DPH6: variants seen among roughly 807,000 people sequenced by gnomAD.
DPH6 encodes the protein diphthine--ammonia ligase.
A neutral mutation model predicts 38.2 loss-of-function variants in DPH6; 33 were observed. The observed-to-expected ratio is 0.86, with a 90% CI of 0.65 to 1.15. The LOEUF is 1.15. Among genes scored for constraint, DPH6 ranks in the 50% most tolerant of loss-of-function variants. DPH6 has a pLI of 0.00. For synonymous variants in DPH6, 108 were observed against 103.0 expected (o/e 1.05, Z -0.30); for missense variants, 325 against 320.0 (o/e 1.02, Z -0.12).
intron 3 of DPH6, among the ~76,000 whole-genome samples, chr15:35,305,170 G>A (rs2140811247): frequency 6.6e-6 from 1 of 152,180 alleles, no homozygotes; most frequent in Non-Finnish European, 1.5e-5. Flanking sequence ...CTCAAGTCAG[G>A]TAGTACGCTG....
chr15:35,158,569 A>C, the DPH6 span, among the ~76,000 whole-genome samples: 1 of 152,074 alleles, frequency 6.6e-6, no homozygotes, highest in Admixed American at 6.6e-5. Flanking sequence ...AAAAACTAGA[A>C]AAACTGGTAA....
In DPH6 at chr15:35,372,092, C is replaced by T. The variant is rs1164342269; in HGVS notation, c.*58G>A. ...ACTAGTCATAGTAACTGAGAAAATACTATGCAATTTTTTTGTATAGAAATG... is the reference window on the plus strand; with the variant it reads ...ACTAGTCATAGTAACTGAGAAAATATTATGCAATTTTTTTGTATAGAAATG... On this transcript the variant is annotated 3_prime_UTR_variant, in exon 9 of 9. Coordinates refer to ENST00000256538, the MANE Select transcript of DPH6 (RefSeq NM_080650.4). The T allele has an allele frequency of 6.8e-7, 1 of 1,478,400 alleles. No individual in the cohort carries two copies. Among genetic ancestry groups the T allele is most frequent in the East Asian group, 2.6e-5 (1 of 38,102 alleles). 91.6% of individuals were successfully genotyped at this position (1,478,400 alleles called of 1,614,324 possible). A position where few individuals can be genotyped will look rare whatever the true frequency, so the allele number is the denominator to read the frequency against.
intron 3 of DPH6, among the ~76,000 whole-genome samples, chr15:35,536,154 AT>A (rs918612085): frequency 2.6e-5 from 4 of 151,716 alleles, no homozygotes; most frequent in African/African-American, 9.7e-5. Context: ...TTCTAGATTC[AT>A]TTTTTTTCAT....
chr15:35,149,038 C>T, the DPH6 span, among the ~76,000 whole-genome samples: 1 of 152,046 alleles, frequency 6.6e-6, no homozygotes, highest in African/African-American at 2.4e-5. Flanking sequence ...TCAGGGAATA[C>T]TTCCCTCCCC....
At chr15:35,230,110 C>T (rs1384774600) in intron 3 of DPH6, among the ~76,000 whole-genome samples, 2 of 152,170 alleles carry the variant, frequency 1.3e-5, no homozygotes, top group Non-Finnish European at 2.9e-5. Context: ...TTCAGGGTGG[C>T]GAGTTCCCCT....
intron 5 of DPH6, among the ~76,000 whole-genome samples, chr15:35,445,395 CAAAAA>C (rs11331685): frequency 8.0e-6 from 1 of 125,518 alleles, no homozygotes. Flanking sequence ...TCATCATCAT[CAAAAA>C]AAAAAAAAAA....
chr15:35,267,764 A>G (rs1006885727), intron 3 of DPH6, among the ~76,000 whole-genome samples: 1 of 152,128 alleles, frequency 6.6e-6, no homozygotes, highest in Non-Finnish European at 1.5e-5. Flanking sequence ...ATAGTAGAGG[A>G]AGGTATGAGG....
At chr15:35,470,125 G>C (rs1475724093) in intron 3 of DPH6, among the ~76,000 whole-genome samples, 1 of 152,162 alleles carries the variant, frequency 6.6e-6, no homozygotes, top group African/African-American at 2.4e-5. Context: ...TTGAACCCGG[G>C]AGGCAGAGGT....
At chr15:35,526,445 CA>C (rs2055004254) in intron 3 of DPH6, among the ~76,000 whole-genome samples, 2 of 152,108 alleles carry the variant, frequency 1.3e-5, no homozygotes, top group Non-Finnish European at 2.9e-5. Context: ...GTAAGTTTAA[CA>C]ATTGCTCATC....
At chr15:35,452,561 C>T (rs561279339) in intron 4 of DPH6, among the ~76,000 whole-genome samples, 1 of 152,238 alleles carries the variant, frequency 6.6e-6, no homozygotes, top group South Asian at 2.1e-4. Context: ...TTTATTCATA[C>T]ATGGCCTTAA....
chr15:35,395,506 CT>C (rs1227448174), intron 6 of DPH6, among the ~76,000 whole-genome samples: 1 of 152,214 alleles, frequency 6.6e-6, no homozygotes, highest in African/African-American at 2.4e-5. Context: ...CGTATTCTTA[CT>C]GATCTACCAA....
At chr15:35,528,786 T>C (rs11073102) in intron 3 of DPH6, among the ~76,000 whole-genome samples, 101,891 of 152,094 alleles carry the variant, frequency 0.67, 36,418 homozygotes, top group East Asian at 0.89. Flanking sequence ...TTACAATGCA[T>C]ATTGATATTA....
At chr15:35,416,933 G>A (rs1318625570) in intron 5 of DPH6, among the ~76,000 whole-genome samples, 10 of 151,970 alleles carry the variant, frequency 6.6e-5, no homozygotes, top group South Asian at 2.1e-4. Flanking sequence ...ATTATGCACC[G>A]GGTGATATTA....
At chr15:35,479,375 C>A (rs1325736365) in intron 3 of DPH6, among the ~76,000 whole-genome samples, 1 of 152,028 alleles carries the variant, frequency 6.6e-6, no homozygotes, top group Non-Finnish European at 1.5e-5. Flanking sequence ...GTATTGTAGA[C>A]CCTCTGAAAT....
intron 6 of DPH6, among the ~76,000 whole-genome samples, chr15:35,390,210 A>T (rs1024118526): frequency 2.0e-5 from 3 of 152,146 alleles, no homozygotes; most frequent in African/African-American, 4.8e-5. Context: ...TCGAGATATC[A>T]GCTGTTAGTC....
At chr15:35,544,514 T>TA (rs2055314079) in intron 1 of DPH6, among the ~76,000 whole-genome samples, 1 of 151,982 alleles carries the variant, frequency 6.6e-6, no homozygotes, top group African/African-American at 2.4e-5. Flanking sequence ...AAAAAAAATT[T>TA]AAAAAAGGAA....
At chr15:35,389,579 T>C (rs1201751242) in intron 6 of DPH6, among the ~76,000 whole-genome samples, 4 of 152,210 alleles carry the variant, frequency 2.6e-5, no homozygotes, top group African/African-American at 4.8e-5. Flanking sequence ...TGAATTGATC[T>C]GTTTACCATT....
At chr15:35,256,684 G>A (rs2051710409) in intron 3 of DPH6, among the ~76,000 whole-genome samples, 1 of 152,178 alleles carries the variant, frequency 6.6e-6, no homozygotes, top group Non-Finnish European at 1.5e-5. Context: ...CCATGTCTGG[G>A]CATGTCTGCA....
At chr15:35,279,687 A>C (rs942669993) in intron 3 of DPH6, among the ~76,000 whole-genome samples, 1 of 152,128 alleles carries the variant, frequency 6.6e-6, no homozygotes, top group Non-Finnish European at 1.5e-5. Flanking sequence ...GCCTTACCAG[A>C]AGCCAAGCAG....
Sources: gnomAD v4.1 joint callset for allele counts (sites outside exome capture counted in the v4.1 genomes callset) on GRCh38, gnomAD v4.1.1 for gene constraint, MANE v1.5 for transcripts, NCBI Gene and HGNC (gene_info 2026-07-23, HGNC 2026-07-21) for gene names.